Variants in CSRP3 observed in about 807,000 individuals in gnomAD.
The protein encoded by CSRP3 is cysteine and glycine rich protein 3, also known as cysteine and glycine-rich protein 3.
Under a neutral mutation model 24.3 loss-of-function variants are expected in CSRP3, and 24 were observed. The ratio of observed to expected loss-of-function variants is 0.99; its 90% CI spans 0.71 to 1.39. The LOEUF (loss-of-function observed/expected upper bound fraction) is 1.39. Ranked by LOEUF, CSRP3 falls within the 40% of genes most tolerant of loss-of-function variation. The probability of loss-of-function intolerance (pLI) is 0.00; values close to 1 mark genes in which losing one functional copy is unlikely to be tolerated. For missense variants in CSRP3, 240 were observed against 249.0 expected (o/e 0.96, Z 0.24); for synonymous variants, 105 against 94.0 (o/e 1.12, Z -0.68).
chr11:19,193,559 A>G (rs751689365), intron 1 of CSRP3, among the ~76,000 whole-genome samples: 7 of 152,254 alleles, frequency 4.6e-5, no homozygotes, highest in Non-Finnish European at 8.8e-5. Flanking sequence ...GGGTTTCACC[A>G]TGTTGGCCAG....
intron 1 of CSRP3, among the ~76,000 whole-genome samples, chr11:19,192,846 G>T (rs1333422449): frequency 6.6e-6 from 1 of 151,846 alleles, no homozygotes; most frequent in Non-Finnish European, 1.5e-5. Flanking sequence ...CATCAGAACT[G>T]GGAATCATCT....
intron 3 of CSRP3, among the ~76,000 whole-genome samples, chr11:19,186,660 G>T (rs146877672): frequency 6.6e-6 from 1 of 152,332 alleles, no homozygotes; most frequent in East Asian, 1.9e-4. Flanking sequence ...TTGTGTTATT[G>T]TTGTTGTTGT....
intron 4 of CSRP3, among the ~76,000 whole-genome samples, chr11:19,185,684 C>T (rs1303711478): frequency 1.3e-5 from 2 of 152,194 alleles, no homozygotes; most frequent in African/African-American, 4.8e-5. Context: ...TCTCTTTCCT[C>T]AGGTCTGACT....
intron 2 of CSRP3, among the ~76,000 whole-genome samples, chr11:19,190,906 A>G (rs982278244): frequency 1.3e-5 from 2 of 152,148 alleles, no homozygotes; most frequent in Non-Finnish European, 2.9e-5. Flanking sequence ...AAAATGCTCA[A>G]ATCTCTTCTA....
chr11:19,182,460 A>C lies in CSRP3; in HGVS notation c.*210T>G. The stretch of plus-strand genomic sequence containing the variant: ...TGCCTCTCCCATTCCAAGCATTATA[A>C]ATAATAAAGCATTTGTTATAGATTA... On this transcript the variant is annotated 3_prime_UTR_variant, in exon 6 of 6. Coordinates refer to ENST00000265968, the MANE Select transcript of CSRP3 (RefSeq NM_003476.5). 1.6e-6 allele frequency: 1 copy of C among 607,856 alleles called. No homozygotes were observed. Among genetic ancestry groups the C allele is most frequent in the Non-Finnish European group, 2.9e-6 (1 of 339,534 alleles). 37.7% of individuals were successfully genotyped at this position (607,856 alleles called of 1,614,324 possible). A position where few individuals can be genotyped will look rare whatever the true frequency, so the allele number is the denominator to read the frequency against.
chr11:19,191,694 G>GTCTCAAGGT (rs757494629), intron 2 of CSRP3, among the ~76,000 whole-genome samples: 24 of 152,242 alleles, frequency 1.6e-4, no homozygotes, highest in East Asian at 5.8e-4. Flanking sequence ...GACTCACAAG[G>GTCTCAAGGT]TCTCAAGGTT....
intron 4 of CSRP3, 86 bp from the exon 5 acceptor site, chr11:19,185,131 A>T: frequency 1.0e-6 from 1 of 992,516 alleles, no homozygotes; most frequent in Non-Finnish European, 1.6e-6. Context: ...CAGCATCCAG[A>T]GGAGTGACAC....
rs368285789 is a variant in CSRP3, at chr11:19,186,172, G to A, written c.414+44C>T. On this transcript the variant is annotated intron_variant, in intron 4 of 5. Coordinates refer to ENST00000265968, the MANE Select transcript of CSRP3 (RefSeq NM_003476.5). Reference sequence around the variant, plus strand: ...TCTCTCATTCCTCCCAAATGGCCTGGTGGAGATGAGCAAATTCTGTCTGGC... The same window carrying A: ...TCTCTCATTCCTCCCAAATGGCCTGATGGAGATGAGCAAATTCTGTCTGGC... 55 of 1,613,906 alleles carry A rather than the reference G, an allele frequency of 3.4e-5. No homozygotes were observed. In the African/African-American group the frequency reaches 4.3e-4, roughly 13 times the overall value.
chr11:19,201,057 A>C (rs1049579350), intron 1 of CSRP3, among the ~76,000 whole-genome samples: 4 of 152,138 alleles, frequency 2.6e-5, no homozygotes, highest in Non-Finnish European at 5.9e-5. Flanking sequence ...GGCAGCTTGG[A>C]TCTTTCAGCA....
At chr11:19,197,014 A>G (rs1590108255) in intron 1 of CSRP3, 1 of 152,312 alleles carries the variant, frequency 6.6e-6, no homozygotes. Flanking sequence ...GGCAGTGGGA[A>G]AAACACTGGA....
In CSRP3 at chr11:19,188,228, C is replaced by T; in HGVS notation, c.189G>A (p.Gly63=). Residue 63 remains glycine (G), a synonymous_variant, in exon 3 of 6, where the codon GGG becomes GGA. Transcript: ENST00000265968. ...ESEIYCKVCY[G]RRYGPKGIGY... ...CGATCCCTTTGGGGCCATATCTGCG[C>T]CCATAGCACACCTTGCAGTAGATCT... is the stretch of plus-strand genomic sequence containing the variant. 5 of 1,613,620 alleles carry T rather than the reference C, an allele frequency of 3.1e-6. No homozygotes were observed. Among genetic ancestry groups the T allele is most frequent in the Non-Finnish European group, 3.4e-6 (4 of 1,180,036 alleles).
chr11:19,190,246 GC>G lies in CSRP3; in HGVS notation c.113-1943del, dbSNP rs1850593452. ...TCCAAGACTGCCTATACCCTAAGGT[GC>G]CCTGGCCAATTCTGTAGCCACTCCC... On this transcript the variant is annotated intron_variant, in intron 2 of 5. Transcript: ENST00000265968. Among the ~76,000 whole-genome samples, 5 of 152,324 alleles carry G rather than the reference GC, an allele frequency of 3.3e-5. No homozygotes were observed. In the East Asian group the frequency reaches 9.7e-4, roughly 29 times the overall value.
At position 19,182,351 on chromosome 11, in the gene CSRP3, TGAACTAGC is replaced by T; in HGVS notation, c.*311_*318del. ...ATTATATGCTCTGCAACTCGTTTTT[TGAACTAGC>T]TTTATGTTTTTGAAAATTTCTATCT... is the stretch of plus-strand genomic sequence containing the variant. On this transcript the variant is annotated 3_prime_UTR_variant, in exon 6 of 6. Coordinates refer to ENST00000265968, the MANE Select transcript of CSRP3 (RefSeq NM_003476.5). 3.1e-6 allele frequency: 1 copy of T among 325,582 alleles called. No homozygotes were observed. Among genetic ancestry groups the T allele is most frequent in the Non-Finnish European group, 5.8e-6 (1 of 173,794 alleles). The allele number at this position is 325,582 out of a possible 1,614,324, so 20.2% of individuals were successfully genotyped here. A position where few individuals can be genotyped will look rare whatever the true frequency, so the allele number is the denominator to read the frequency against.
At chr11:19,186,769 G>A (rs1329246459) in intron 3 of CSRP3, among the ~76,000 whole-genome samples, 2 of 152,184 alleles carry the variant, frequency 1.3e-5, no homozygotes, top group African/African-American at 4.8e-5. Context: ...AGAGCAAGGT[G>A]GGATTTTGAC....
chr11:19,200,189 A>G (rs778494620), intron 1 of CSRP3, among the ~76,000 whole-genome samples: 2 of 152,176 alleles, frequency 1.3e-5, no homozygotes, highest in Non-Finnish European at 2.9e-5. Context: ...GTACTTTCCT[A>G]TACTTTATCT....
Position 19,182,278 on chromosome 11 carries a change from C to G in CSRP3, c.*392G>C, listed in dbSNP as rs949352128. ...GATTCTGAAAGACTGCTTTCCTTTG[C>G]GCATTGTTTCTTCCTTCTCACTCCT... On this transcript the variant is annotated 3_prime_UTR_variant, in exon 6 of 6. Coordinates refer to ENST00000265968, the MANE Select transcript of CSRP3 (RefSeq NM_003476.5). The G allele has an allele frequency of 5.2e-6, 1 of 193,442 alleles. No homozygotes were observed. Among genetic ancestry groups the G allele is most frequent in the Non-Finnish European group, 1.1e-5 (1 of 92,024 alleles). The allele number at this position is 193,442 out of a possible 1,614,324, so 12.0% of individuals were successfully genotyped here.
intron 2 of CSRP3, among the ~76,000 whole-genome samples, chr11:19,190,354 A>T (rs563697824): frequency 1.3e-5 from 2 of 152,356 alleles, no homozygotes; most frequent in East Asian, 3.9e-4. Flanking sequence ...GCTGTGCTGT[A>T]AGCACAAAAT....
intron 2 of CSRP3, among the ~76,000 whole-genome samples, chr11:19,190,718 C>T (rs568471062): frequency 2.0e-5 from 3 of 152,300 alleles, no homozygotes; most frequent in South Asian, 4.1e-4. Flanking sequence ...AACGCCTTTT[C>T]CAGCAGCTAC....
rs754190437 is a variant in CSRP3 at position 19,185,063 on chromosome 11, G to C, written c.415-18C>G. On this transcript the variant is annotated intron_variant, in intron 4 of 5. Transcript: ENST00000265968. ...TGCCAAGGCTGAGGGGCACAGAAAA[G>C]TTGCATATTTAATGAGGTAGGCAAC... is the stretch of plus-strand genomic sequence containing the variant. 77 of 1,597,082 alleles carry C rather than the reference G, an allele frequency of 4.8e-5. No individual in the cohort carries two copies. The highest frequency in any genetic ancestry group is 6.5e-5 in the Non-Finnish European group (76 of 1,164,468).
Sources: allele counts gnomAD v4.1 joint callset (sites outside exome capture counted in the v4.1 genomes callset), GRCh38; gene constraint gnomAD v4.1.1; transcripts MANE v1.5; gene names NCBI Gene and HGNC (gene_info 2026-07-23, HGNC 2026-07-21).